SMAD9: variants seen among roughly 807,000 people sequenced by gnomAD.
SMAD9 encodes SMAD family member 9.
A neutral mutation model predicts 46.1 loss-of-function variants in SMAD9; 36 were observed. The observed-to-expected ratio is 0.78, with a 90% CI of 0.60 to 1.03. The LOEUF is 1.03. Ranked by LOEUF, SMAD9 falls within the 50% of genes least tolerant of loss-of-function variation. SMAD9 has a pLI of 0.00. For synonymous variants in SMAD9, 245 were observed against 237.1 expected (o/e 1.03, Z -0.31); for missense variants, 572 against 599.8 (o/e 0.95, Z 0.48).
Position 36,914,389 on chromosome 13 carries a change from G to A in SMAD9, c.-187+5727C>T, listed in dbSNP as rs113226831. On this transcript the variant is annotated intron_variant, in intron 1 of 6. Transcript: ENST00000379826. ...AAAAAATTAGCCGGGCGTGGTGGCA[G>A]GTGCCTGTAGTCCCAGCTACTTGGG... Among the ~76,000 whole-genome samples the A allele has an allele frequency of 9.9e-4, 150 of 152,202 alleles. 2 individuals carry two copies. Among genetic ancestry groups the A allele is most frequent in the African/African-American group, 3.4e-3 (140 of 41,524 alleles).
At chr13:36,899,566 G>A (rs527685806) in intron 1 of SMAD9, among the ~76,000 whole-genome samples, 45 of 152,226 alleles carry the variant, frequency 3.0e-4, no homozygotes, top group Admixed American at 9.8e-4. Context: ...AAATGAAGTC[G>A]GGGGTAACAC....
intron 1 of SMAD9, among the ~76,000 whole-genome samples, chr13:36,883,596 C>G (rs2058421563): frequency 6.6e-6 from 1 of 152,030 alleles, no homozygotes; most frequent in Admixed American, 6.6e-5. Flanking sequence ...ACAAAAAATA[C>G]AAAAGTTAAT....
At chr13:36,852,294 G>A (rs1423717111) in intron 6 of SMAD9, 1 of 984,532 alleles carries the variant, frequency 1.0e-6, no homozygotes, top group East Asian at 1.1e-4. Flanking sequence ...CCTGGAACAA[G>A]CCATGCTGAT....
intron 1 of SMAD9, among the ~76,000 whole-genome samples, chr13:36,901,639 G>A (rs1347433772): frequency 6.6e-6 from 1 of 152,158 alleles, no homozygotes; most frequent in Non-Finnish European, 1.5e-5. Flanking sequence ...TGTTGGCCAG[G>A]CTGGTCTTGA....
rs755734127 is a variant in SMAD9 at position 36,872,901 on chromosome 13, G to A, written c.427C>T (p.Leu143Phe). 6.2e-7 allele frequency: 1 copy of A among 1,614,164 alleles called. No individual in the cohort carries two copies. The highest frequency in any genetic ancestry group is 8.5e-7 in the Non-Finnish European group (1 of 1,180,022). ...TTATATTCACTGTGTCTTGGCACGA[G>A]CACAGGAGGCAGTACTAGGATCAGA... ...RVETPVLPPV[L>F]VPRHSEYNPQ... Residue 143 changes from leucine (L) to phenylalanine (F), a missense_variant, in exon 3 of 7, where the codon CTC becomes TTC. Coordinates refer to ENST00000379826, the MANE Select transcript of SMAD9 (RefSeq NM_001127217.3).
chr13:36,848,306 C>A lies in SMAD9; in HGVS notation c.*370G>T. 1 of 234,942 alleles carries A rather than the reference C, an allele frequency of 4.3e-6. No homozygotes were observed. The highest frequency in any genetic ancestry group is 8.4e-6 in the Non-Finnish European group (1 of 118,398). The allele number at this position is 234,942 out of a possible 1,614,324, so 14.6% of individuals were successfully genotyped here. On this transcript the variant is annotated 3_prime_UTR_variant, in exon 7 of 7. Coordinates refer to ENST00000379826, the MANE Select transcript of SMAD9 (RefSeq NM_001127217.3). ...TAGTGCTGCTAATACCTGACTTTTG[C>A]TGTATAAACAGTTTCAATGTTTCTG...
At chr13:36,901,783 T>G (rs2058578338) in intron 1 of SMAD9, among the ~76,000 whole-genome samples, 1 of 152,244 alleles carries the variant, frequency 6.6e-6, no homozygotes, top group African/African-American at 2.4e-5. Context: ...GCAAATTTGC[T>G]GTCCATTTGT....
intron 5 of SMAD9, among the ~76,000 whole-genome samples, chr13:36,855,251 CAAAAAA>C (rs1198605048): frequency 4.4e-5 from 2 of 45,974 alleles, no homozygotes; most frequent in Non-Finnish European, 8.8e-5. Flanking sequence ...GAGTCCATCT[CAAAAAA>C]AAAAAAAAAA....
chr13:36,846,908 G>A lies in SMAD9; in HGVS notation c.*1768C>T, dbSNP rs1254863008. ...ACTATTAGGTTCTCGGCTCCCTGAG[G>A]GCTGGGACTGTCTCTTATTTACATT... On this transcript the variant is annotated 3_prime_UTR_variant, in exon 7 of 7. Coordinates refer to ENST00000379826, the MANE Select transcript of SMAD9 (RefSeq NM_001127217.3). 6.6e-6 allele frequency: 1 copy of A among 152,122 alleles called. No individual in the cohort carries two copies. Among genetic ancestry groups the A allele is most frequent in the Non-Finnish European group, 1.5e-5 (1 of 68,026 alleles). 9.4% of individuals were successfully genotyped at this position (152,122 alleles called of 1,614,324 possible).
chr13:36,893,441 A>T (rs9576131), intron 1 of SMAD9, among the ~76,000 whole-genome samples: 23,944 of 141,790 alleles, frequency 0.17, 2,251 homozygotes, highest in East Asian at 0.31. Context: ...TATAAATATA[A>T]ATATATATAT....
At chr13:36,894,243 G>A (rs929152573) in intron 1 of SMAD9, among the ~76,000 whole-genome samples, 2 of 152,152 alleles carry the variant, frequency 1.3e-5, no homozygotes, top group Non-Finnish European at 2.9e-5. Flanking sequence ...GGGACCTGGT[G>A]AGAGATAATT....
chr13:36,860,716 G>A (rs2058173212), intron 5 of SMAD9, among the ~76,000 whole-genome samples: 2 of 151,926 alleles, frequency 1.3e-5, no homozygotes, highest in Middle Eastern at 3.4e-3. Context: ...TCCTCCCAAA[G>A]TGCTGGGATT....
In SMAD9 at chr13:36,857,355, G is replaced by A. The variant is rs115969473; in HGVS notation, c.1004-3680C>T. ...GAATAAATGCCCCAAAGGAAGTACT[G>A]CCTGAGATCATAAAGAGAACACTGG... is the stretch of plus-strand genomic sequence containing the variant. On this transcript the variant is annotated intron_variant, in intron 5 of 6. Coordinates refer to ENST00000379826, the MANE Select transcript of SMAD9 (RefSeq NM_001127217.3). Among the ~76,000 whole-genome samples the A allele has an allele frequency of 4.8e-3, 738 of 152,296 alleles. 6 individuals carry two copies. The highest frequency in any genetic ancestry group is 0.017 in the African/African-American group (709 of 41,556).
chr13:36,885,751 G>T (rs1001739618), intron 1 of SMAD9, among the ~76,000 whole-genome samples: 1 of 151,668 alleles, frequency 6.6e-6, no homozygotes, highest in African/African-American at 2.4e-5. Context: ...TGAATTGTAT[G>T]CTCATTTTGG....
At chr13:36,907,251 G>A (rs1418304196) in intron 1 of SMAD9, among the ~76,000 whole-genome samples, 1 of 152,188 alleles carries the variant, frequency 6.6e-6, no homozygotes, top group African/African-American at 2.4e-5. Context: ...GGAAAATGGG[G>A]ACTATTGTTT....
At chr13:36,902,910 T>C (rs1297915361) in intron 1 of SMAD9, among the ~76,000 whole-genome samples, 1 of 152,130 alleles carries the variant, frequency 6.6e-6, no homozygotes, top group Non-Finnish European at 1.5e-5. Flanking sequence ...CTGACACATA[T>C]TATGTGTTTG....
intron 6 of SMAD9, among the ~76,000 whole-genome samples, chr13:36,851,085 G>GCGAT (rs915712305): frequency 3.3e-5 from 5 of 152,206 alleles, no homozygotes; most frequent in African/African-American, 1.2e-4. Context: ...AGCAGGCAGG[G>GCGAT]CGATCCTTTA....
intron 1 of SMAD9, among the ~76,000 whole-genome samples, chr13:36,907,837 A>G (rs2138674692): frequency 6.6e-6 from 1 of 152,338 alleles, no homozygotes; most frequent in Non-Finnish European, 1.5e-5. Flanking sequence ...AGGTATTTTA[A>G]TAAACTCTAA....
intron 5 of SMAD9, among the ~76,000 whole-genome samples, chr13:36,856,836 T>C (rs907931099): frequency 6.9e-6 from 1 of 144,468 alleles, no homozygotes; most frequent in Non-Finnish European, 1.5e-5. Flanking sequence ...AGTTACCCTC[T>C]TGTCACCCAG....
Sources: allele counts gnomAD v4.1 joint callset (sites outside exome capture counted in the v4.1 genomes callset), GRCh38; gene constraint gnomAD v4.1.1; transcripts MANE v1.5; gene names NCBI Gene and HGNC (gene_info 2026-07-23, HGNC 2026-07-21).